Variants in RBM39 observed in about 807,000 individuals in gnomAD.
RBM39 encodes RNA binding motif protein 39.
A neutral mutation model predicts 79.6 loss-of-function variants in RBM39; 12 were observed. That is an observed-to-expected ratio of 0.15 (90% CI 0.10 to 0.24). The LOEUF (loss-of-function observed/expected upper bound fraction) is 0.24. Among genes scored for constraint, RBM39 ranks in the 10% least tolerant of loss-of-function variants. The pLI, the probability that RBM39 is intolerant of heterozygous loss-of-function variation, is 1.00. For synonymous variants in RBM39, 185 were observed against 208.4 expected (o/e 0.89, Z 0.97); for missense variants, 243 against 653.4 (o/e 0.37, Z 6.85).
intron 16 of RBM39, 30 bp from the exon 17 acceptor site, chr20:35,704,611 A>G (rs541429119): frequency 1.9e-6 from 3 of 1,610,266 alleles, no homozygotes; most frequent in East Asian, 4.5e-5. Flanking sequence ...TGTTGGGTTT[A>G]GCATCTTCAT....
At position 35,702,875 on chromosome 20, in the gene RBM39, C is replaced by CT. The variant is rs2035350737; in HGVS notation, c.*1605dup. 1 of 152,212 alleles carries CT rather than the reference C, an allele frequency of 6.6e-6. No individual in the cohort carries two copies. Among genetic ancestry groups the CT allele is most frequent in the African/African-American group, 2.4e-5 (1 of 41,436 alleles). 9.4% of individuals were successfully genotyped at this position (152,212 alleles called of 1,614,324 possible). On this transcript the variant is annotated 3_prime_UTR_variant, in exon 17 of 17. Transcript: ENST00000253363. ...ATGGAGCTGAGATCACATCACTGCA[C>CT]TCCAGCCTGGGCCAAAGAGCAAGAC...
At chr20:35,722,012 T>C (rs1395459008) in intron 8 of RBM39, 135 bp from the exon 9 acceptor site, 6 of 980,218 alleles carry the variant, frequency 6.1e-6, no homozygotes, top group Non-Finnish European at 8.9e-6. Flanking sequence ...ATACTACATA[T>C]CAACTTAATA....
In RBM39 at chr20:35,704,623, A is replaced by G. The variant is rs766598775; in HGVS notation, c.1493-42T>C. On this transcript the variant is annotated intron_variant, in intron 16 of 16. Coordinates refer to ENST00000253363, the MANE Select transcript of RBM39 (RefSeq NM_184234.3). ...ACATGTTGGGTTTAGCATCTTCATT[A>G]TAGAGCCTTAATAACAATCAGTCAA... 6.2e-6 allele frequency: 10 copies of G among 1,610,324 alleles called. No homozygotes were observed. The Admixed American group carries it at 1.7e-4, about 27-fold the overall frequency.
intron 3 of RBM39, among the ~76,000 whole-genome samples, chr20:35,738,765 G>C (rs2040239619): frequency 6.6e-6 from 1 of 152,206 alleles, no homozygotes; most frequent in African/African-American, 2.4e-5. Flanking sequence ...GAAGGTATCT[G>C]AAACTATATT....
chr20:35,717,693 TAAAAC>T (rs2037324996), intron 9 of RBM39, among the ~76,000 whole-genome samples: 1 of 152,074 alleles, frequency 6.6e-6, no homozygotes, highest in Admixed American at 6.5e-5. Context: ...TATGAAAAAT[TAAAAC>T]AGAGCATCCA....
At chr20:35,727,680 G>A (rs1014968561) in intron 6 of RBM39, among the ~76,000 whole-genome samples, 12 of 143,524 alleles carry the variant, frequency 8.4e-5, no homozygotes, top group Non-Finnish European at 1.4e-4. Flanking sequence ...ACAGAGTTTC[G>A]CTCTTGTTGC....
chr20:35,718,044 A>T (rs2037384820), intron 9 of RBM39, among the ~76,000 whole-genome samples: 1 of 151,882 alleles, frequency 6.6e-6, no homozygotes, highest in Non-Finnish European at 1.5e-5. Context: ...TATTTTTAGT[A>T]TAGACGGGGT....
At position 35,704,366 on chromosome 20, in the gene RBM39, T is replaced by G; in HGVS notation, c.*115A>C. 1 of 735,880 alleles carries G rather than the reference T, an allele frequency of 1.4e-6. No individual in the cohort carries two copies. The highest frequency in any genetic ancestry group is 2.2e-6 in the Non-Finnish European group (1 of 455,330). The allele number at this position is 735,880 out of a possible 1,614,324, so 45.6% of individuals were successfully genotyped here. A position where few individuals can be genotyped will look rare whatever the true frequency, so the allele number is the denominator to read the frequency against. ...TTATTTTTTCAAGGTAACAGGAAATTGCATACAAATGACAGTAGATCCTTG... is the reference window on the plus strand; with the variant it reads ...TTATTTTTTCAAGGTAACAGGAAATGGCATACAAATGACAGTAGATCCTTG... On this transcript the variant is annotated 3_prime_UTR_variant, in exon 17 of 17. Transcript: ENST00000253363.
chr20:35,721,073 TG>T (rs1225162627), intron 9 of RBM39, among the ~76,000 whole-genome samples: 4 of 152,066 alleles, frequency 2.6e-5, no homozygotes, highest in Non-Finnish European at 5.9e-5. Flanking sequence ...CCCGAGTAGC[TG>T]GGAACACAGA....
intron 3 of RBM39, chr20:35,734,868 A>ACACT: frequency 6.7e-7 from 1 of 1,497,718 alleles, no homozygotes; most frequent in Non-Finnish European, 8.9e-7. Flanking sequence ...ATCGAAATCC[A>ACACT]CACTAATAGT....
At chr20:35,727,207 G>A (rs1014832631) in intron 6 of RBM39, among the ~76,000 whole-genome samples, 2 of 151,860 alleles carry the variant, frequency 1.3e-5, no homozygotes, top group African/African-American at 2.4e-5. Flanking sequence ...AAAATTAGCA[G>A]GGCATGGTGG....
At chr20:35,738,934 AC>A (rs1489505780) in intron 3 of RBM39, 33 bp downstream of exon 3, 3 of 1,580,738 alleles carry the variant, frequency 1.9e-6, no homozygotes, top group Non-Finnish European at 2.6e-6. Flanking sequence ...AAAAAAGCTC[AC>A]CACCCTCCCC....
intron 3 of RBM39, among the ~76,000 whole-genome samples, chr20:35,734,034 T>C (rs1478321237): frequency 6.6e-6 from 1 of 152,254 alleles, no homozygotes; most frequent in African/African-American, 2.4e-5. Flanking sequence ...ATTAAACATT[T>C]TGACAATTCT....
chr20:35,735,402 G>A (rs1048810321), intron 3 of RBM39, among the ~76,000 whole-genome samples: 4 of 152,034 alleles, frequency 2.6e-5, no homozygotes, highest in African/African-American at 7.2e-5. Context: ...ACTATTCTAG[G>A]ATACTATGAA....
chr20:35,708,483 T>G (rs1327215262), intron 13 of RBM39, among the ~76,000 whole-genome samples: 1 of 152,138 alleles, frequency 6.6e-6, no homozygotes, highest in African/African-American at 2.4e-5. Flanking sequence ...GAAAATCTTT[T>G]AAAAATCTCT....
intron 9 of RBM39, among the ~76,000 whole-genome samples, chr20:35,718,106 G>A (rs80243472): frequency 2.0e-5 from 3 of 151,970 alleles, no homozygotes; most frequent in Admixed American, 6.6e-5. Flanking sequence ...TGATCCACCC[G>A]CCTCGGCCTC....
intron 2 of RBM39, chr20:35,739,796 T>C: frequency 3.9e-6 from 1 of 255,576 alleles, no homozygotes; most frequent in South Asian, 4.2e-5. Context: ...TTCATCCAAA[T>C]TGGTACCACA....
intron 11 of RBM39, chr20:35,713,731 T>G (rs765494427): frequency 6.8e-6 from 1 of 147,468 alleles, no homozygotes; most frequent in Non-Finnish European, 1.5e-5. Flanking sequence ...TGGTGGTGGT[T>G]GTTTGCAACT....
chr20:35,716,076 T>A (rs1173333938), intron 10 of RBM39, among the ~76,000 whole-genome samples: 1 of 152,102 alleles, frequency 6.6e-6, no homozygotes, highest in Non-Finnish European at 1.5e-5. Context: ...ATAGTTTTAT[T>A]TTTTTTCAAG....
Sources: allele counts gnomAD v4.1 joint callset (sites outside exome capture counted in the v4.1 genomes callset), GRCh38; gene constraint gnomAD v4.1.1; transcripts MANE v1.5; gene names NCBI Gene and HGNC (gene_info 2026-07-23, HGNC 2026-07-21).